Variants in MRPL9 observed in about 807,000 individuals in gnomAD.
MRPL9 encodes mitochondrial ribosomal protein L9.
In MRPL9, 25 loss-of-function variants were observed where a neutral mutation model predicts 27.6. The observed-to-expected ratio is 0.91, with a 90% CI of 0.66 to 1.27. MRPL9 has a LOEUF of 1.27. MRPL9 is among the 50% of genes most tolerant of loss of function. The pLI is 0.00. For missense variants in MRPL9, 362 were observed against 338.0 expected, an observed-to-expected ratio of 1.07 and a Z score of -0.56; for synonymous variants, 154 against 139.0, an observed-to-expected ratio of 1.11 and a Z score of -0.76.
chr1:151,763,287 C>G, intron 1 of MRPL9, 40 bp downstream of exon 1: 1 of 1,570,862 alleles, frequency 6.4e-7, no homozygotes, highest in Non-Finnish European at 8.7e-7. Context: ...AGAAACAATA[C>G]TCGAGCGTAT....
rs755031728 is a variant in MRPL9 at position 151,760,903 on chromosome 1, C to CAAAAAAAAAA, written c.589-14_589-5dup. 181 of 953,742 alleles carry CAAAAAAAAAA rather than the reference C, an allele frequency of 1.9e-4. 3 individuals carry two copies. Among genetic ancestry groups the CAAAAAAAAAA allele is most frequent in the African/African-American group, 3.1e-4 (11 of 35,864 alleles). The allele number at this position is 953,742 out of a possible 1,614,324, so 59.1% of individuals were successfully genotyped here. On this transcript the variant is annotated splice_polypyrimidine_tract_variant and splice_region_variant and intron_variant, in intron 5 of 6. Transcript: ENST00000368830. Reference sequence around the variant, plus strand: ...GTGGGGCAACCACAACACCAAGCTGCAAAAAAAAAAAAAAAAAAAAAAATC... The same window carrying CAAAAAAAAAA: ...GTGGGGCAACCACAACACCAAGCTGCAAAAAAAAAAAAAAAAAAAAAAAAAAAAAAAAATC...
At chr1:151,760,499 C>G (rs1426360224) in intron 6 of MRPL9, among the ~76,000 whole-genome samples, 1 of 140,880 alleles carries the variant, frequency 7.1e-6, no homozygotes, top group Non-Finnish European at 1.5e-5. Flanking sequence ...ATCGCTTGAA[C>G]CTGGGAGGTG....
At chr1:151,761,033 C>G (rs1021311205) in intron 5 of MRPL9, 134 bp from the exon 6 acceptor site, 25 of 731,650 alleles carry the variant, frequency 3.4e-5, no homozygotes, top group Non-Finnish European at 5.1e-5. Flanking sequence ...GGTGTCTACT[C>G]TGGCTGATTC....
chr1:151,763,488 G>T lies in MRPL9; in HGVS notation c.-9C>A, dbSNP rs763508241. The T allele has an allele frequency of 1.2e-4, 194 of 1,567,902 alleles. No homozygotes were observed. Among genetic ancestry groups the T allele is most frequent in the Non-Finnish European group, 1.5e-4 (179 of 1,156,932 alleles). ...ACAACGGGCGCCGCCATGTTCACAGGCACAGAATGAGACCTGAGGGAGGAC... is the reference window on the plus strand; with the variant it reads ...ACAACGGGCGCCGCCATGTTCACAGTCACAGAATGAGACCTGAGGGAGGAC... On this transcript the variant is annotated 5_prime_UTR_variant, in exon 1 of 7. Coordinates refer to ENST00000368830, the MANE Select transcript of MRPL9 (RefSeq NM_031420.4).
At chr1:151,762,283 T>C (rs916389506) in intron 3 of MRPL9, 93 bp downstream of exon 3, 7 of 1,590,350 alleles carry the variant, frequency 4.4e-6, no homozygotes, top group Non-Finnish European at 6.0e-6. Context: ...TCCTATTTCA[T>C]TTTCAAGTTA....
intron 1 of MRPL9, 73 bp from the exon 2 acceptor site, chr1:151,763,219 C>A: frequency 6.4e-7 from 1 of 1,553,626 alleles, no homozygotes; most frequent in Non-Finnish European, 8.7e-7. Flanking sequence ...GGCCGCCAGC[C>A]CCTCAAGGAA....
chr1:151,760,216 G>A (rs377483737), intron 6 of MRPL9, 35 bp from the exon 7 acceptor site: 143 of 1,613,324 alleles, frequency 8.9e-5, no homozygotes, highest in Non-Finnish European at 1.2e-4. Flanking sequence ...TCAGAGATCA[G>A]TCAGGTAAGT....
rs768523319 is a variant in MRPL9, at chr1:151,763,028, T to C, written c.272A>G (p.Lys91Arg). The change falls in exon 2 of 7, where the codon AAA becomes AGA. Residue 91 changes from lysine to arginine, a missense_variant. Physicochemically the swap from Lys to Arg is conservative, Grantham distance 26. Transcript: ENST00000368830. ...KLVEDTKHRP[K>R]ENLELILTQS... ...CGTCAGGATGAGCTCCAGGTTTTCT[T>C]TGGGCCGATGCTTCGTGTCCTCCAC... is the stretch of plus-strand genomic sequence containing the variant. The C allele has an allele frequency of 4.3e-6, 7 of 1,614,092 alleles. No homozygotes were observed. Among genetic ancestry groups the C allele is most frequent in the Admixed American group, 1.7e-5 (1 of 60,002 alleles).
chr1:151,763,471 C>A lies in MRPL9; in HGVS notation c.9G>T (p.Ala3=). The change falls in exon 1 of 7, where the codon GCG becomes GCT. Residue 3 remains alanine, a synonymous_variant. Coordinates refer to ENST00000368830, the MANE Select transcript of MRPL9 (RefSeq NM_031420.4). ...CTCTGCCCGGGGCCGTGACAACGGGCGCCGCCATGTTCACAGGCACAGAAT... is the reference window on the plus strand; with the variant it reads ...CTCTGCCCGGGGCCGTGACAACGGGAGCCGCCATGTTCACAGGCACAGAAT... The part of the protein sequence containing the change: MA[A]PVVTAPGRAL... The A allele has an allele frequency of 1.3e-6, 2 of 1,573,962 alleles. No homozygotes were observed. Among genetic ancestry groups the A allele is most frequent in the African/African-American group, 1.3e-5 (1 of 74,280 alleles).
intron 6 of MRPL9, among the ~76,000 whole-genome samples, 164 bp downstream of exon 6, chr1:151,760,652 T>A (rs1277886157): frequency 6.7e-6 from 1 of 149,122 alleles, no homozygotes; most frequent in African/African-American, 2.5e-5. Flanking sequence ...ACGCCTGTAG[T>A]CCTAGCTACT....
At chr1:151,762,329 A>G in intron 3 of MRPL9, 47 bp downstream of exon 3, 1 of 1,611,062 alleles carries the variant, frequency 6.2e-7, no homozygotes, top group Non-Finnish European at 8.5e-7. Flanking sequence ...TGCAAGAGAA[A>G]AGAAGTTTTA....
rs1479827103 is a variant in MRPL9 at position 151,763,314 on chromosome 1, A to C, written c.153+13T>G. The C allele has an allele frequency of 2.5e-6, 4 of 1,594,470 alleles. No individual in the cohort carries two copies. The Admixed American group carries it at 6.9e-5, about 27-fold the overall frequency. Reference sequence around the variant, plus strand: ...CGAGCGTATCTACCCCCTACCCCAGACTCAGCCCTCACCCGATTTTGAGAA... The same window carrying C: ...CGAGCGTATCTACCCCCTACCCCAGCCTCAGCCCTCACCCGATTTTGAGAA... On this transcript the variant is annotated intron_variant, in intron 1 of 6. Transcript: ENST00000368830.
Position 151,761,506 on chromosome 1 carries a change from T to C in MRPL9, c.533A>G (p.Asn178Ser). ...KSCRLEVGMK[N>S]NVKWELNPEI... The stretch of plus-strand genomic sequence containing the variant: ...AGGGTTCAGCTCCCATTTGACATTG[T>C]TCTTCATCCCTACCTCCAGGCGACA... Residue 178 changes from asparagine to serine, a missense_variant, in exon 5 of 7, where the codon AAC (asparagine) becomes AGC (serine). Coordinates refer to ENST00000368830, the MANE Select transcript of MRPL9 (RefSeq NM_031420.4). The C allele has an allele frequency of 6.2e-7, 1 of 1,614,082 alleles. No homozygotes were observed. The highest frequency in any genetic ancestry group is 8.5e-7 in the Non-Finnish European group (1 of 1,179,930).
At position 151,763,167 on chromosome 1, in the gene MRPL9, G is replaced by A. The variant is rs374165504; in HGVS notation, c.154-21C>T. The A allele has an allele frequency of 8.1e-6, 13 of 1,610,758 alleles. No individual in the cohort carries two copies. The highest frequency in any genetic ancestry group is 1.3e-5 in the African/African-American group (1 of 74,854). The stretch of plus-strand genomic sequence containing the variant: ...GTGCCCTGGCGGCCAGGAAAGCGAC[G>A]GTAAGCTAGTCTCCACAAGGAACAC... On this transcript the variant is annotated intron_variant, in intron 1 of 6. Coordinates refer to ENST00000368830, the MANE Select transcript of MRPL9 (RefSeq NM_031420.4).
chr1:151,761,959 TA>T, intron 4 of MRPL9, 145 bp downstream of exon 4: 2 of 772,894 alleles, frequency 2.6e-6, no homozygotes. Flanking sequence ...GAGGTCTCCA[TA>T]CCTGTTTTGT....
chr1:151,761,146 G>A (rs1289497934), intron 5 of MRPL9, among the ~76,000 whole-genome samples: 1 of 152,168 alleles, frequency 6.6e-6, no homozygotes, highest in Non-Finnish European at 1.5e-5. Context: ...AGGGCTTGAG[G>A]CCAAAACCAC....
chr1:151,762,605 T>C (rs1355243921), intron 2 of MRPL9, 105 bp from the exon 3 acceptor site: 89 of 1,214,024 alleles, frequency 7.3e-5, no homozygotes, highest in Non-Finnish European at 1.0e-4. Flanking sequence ...TGCTTATTTT[T>C]CCTAAAAGAA....
intron 2 of MRPL9, 108 bp from the exon 3 acceptor site, chr1:151,762,608 TA>T: frequency 1.7e-6 from 2 of 1,165,714 alleles, no homozygotes; most frequent in South Asian, 1.6e-5. Flanking sequence ...TTATTTTTCC[TA>T]AAAGAAATGC....
Position 151,763,108 on chromosome 1 carries a change from C to T in MRPL9, c.192G>A (p.Leu64=). 1 of 1,614,030 alleles carries T rather than the reference C, an allele frequency of 6.2e-7. No individual in the cohort carries two copies. The highest frequency in any genetic ancestry group is 1.1e-5 in the South Asian group (1 of 91,072). ...VIVERWWKVP[L]AGEGRKPRLH... is the part of the protein sequence containing the mutation. ...GGCGCGGCTTCCGGCCCTCCCCGGCCAGCGGTACCTTCCACCAGCGCTCCA... is the reference window on the plus strand; with the variant it reads ...GGCGCGGCTTCCGGCCCTCCCCGGCTAGCGGTACCTTCCACCAGCGCTCCA... The change falls in exon 2 of 7, where the codon CTG becomes CTA. Residue 64 remains leucine, a synonymous_variant. Transcript: ENST00000368830.
Sources: gnomAD v4.1 joint callset for allele counts (sites outside exome capture counted in the v4.1 genomes callset) on GRCh38, gnomAD v4.1.1 for gene constraint, MANE v1.5 for transcripts, NCBI Gene and HGNC (gene_info 2026-07-23, HGNC 2026-07-21) for gene names.